Variants in NDUFS4 observed in about 807,000 individuals in gnomAD.
The protein encoded by NDUFS4 is NADH dehydrogenase [ubiquinone] iron-sulfur protein 4, mitochondrial.
NDUFS4 carries 28 observed loss-of-function variants against 24.3 expected under a neutral mutation model. The ratio of observed to expected loss-of-function variants is 1.15; its 90% CI spans 0.85 to 1.58. NDUFS4 has a LOEUF of 1.58. Among genes scored for constraint, NDUFS4 ranks in the 40% most tolerant of loss-of-function variants. NDUFS4 has a pLI of 0.00. For synonymous variants in NDUFS4, 93 were observed against 69.7 expected (o/e 1.34, Z -1.67); for missense variants, 223 against 207.9 (o/e 1.07, Z -0.45).
At chr5:53,672,533 G>C (rs1333570295) in intron 4 of NDUFS4, among the ~76,000 whole-genome samples, 1 of 152,024 alleles carries the variant, frequency 6.6e-6, no homozygotes, top group Non-Finnish European at 1.5e-5. Context: ...ATAAGGAACT[G>C]ATCTAAAATC....
intron 3 of NDUFS4, among the ~76,000 whole-genome samples, chr5:53,649,349 T>A (rs1429304447): frequency 6.6e-6 from 1 of 152,164 alleles, no homozygotes; most frequent in Non-Finnish European, 1.5e-5. Flanking sequence ...TTTCAACTCT[T>A]GCCCCCTTCT....
chr5:53,618,985 G>A lies in NDUFS4; in HGVS notation c.177+15455G>A, dbSNP rs185409595. On this transcript the variant is annotated intron_variant, in intron 2 of 4. Transcript: ENST00000296684. Reference sequence around the variant, plus strand: ...AAACATTAGCTGGTCGTGGGGTCACGTGTCTGTAGTCACAGCTACTCAGGC... The same window carrying A: ...AAACATTAGCTGGTCGTGGGGTCACATGTCTGTAGTCACAGCTACTCAGGC... Among the ~76,000 whole-genome samples, 245 of 151,860 alleles carry A rather than the reference G, an allele frequency of 1.6e-3. 1 individual carries two copies. The highest frequency in any genetic ancestry group is 5.3e-3 in the African/African-American group (221 of 41,404).
At chr5:53,642,188 A>G (rs1751726454) in intron 2 of NDUFS4, among the ~76,000 whole-genome samples, 1 of 152,130 alleles carries the variant, frequency 6.6e-6, no homozygotes, top group Admixed American at 6.6e-5. Flanking sequence ...GGCCAGTGGC[A>G]TTTTTGTGGT....
intron 1 of NDUFS4, among the ~76,000 whole-genome samples, chr5:53,586,959 G>T (rs111511598): frequency 0.093 from 14,109 of 151,954 alleles, 776 homozygotes; most frequent in Non-Finnish European, 0.13. Flanking sequence ...GAGTAGCTGG[G>T]ATTACAGGCA....
chr5:53,581,155 A>T (rs542566952), intron 1 of NDUFS4, among the ~76,000 whole-genome samples: 1 of 151,978 alleles, frequency 6.6e-6, no homozygotes, highest in African/African-American at 2.4e-5. Context: ...CTTTTTAGTA[A>T]TTGTCACCAA....
chr5:53,602,047 A>G (rs989425344), intron 1 of NDUFS4, among the ~76,000 whole-genome samples: 3 of 152,218 alleles, frequency 2.0e-5, no homozygotes, highest in African/African-American at 4.8e-5. Flanking sequence ...CTTAAAATGT[A>G]TCGTACAAGG....
rs139436968 is a variant in NDUFS4 at position 53,608,599 on chromosome 5, C to T, written c.177+5069C>T. On this transcript the variant is annotated intron_variant, in intron 2 of 4. Transcript: ENST00000296684. Reference sequence around the variant, plus strand: ...CAGGAGTAGATTCTGTCTCAAGAAACGACTTAGCTCATGCATGAGAAGCAA... The same window carrying T: ...CAGGAGTAGATTCTGTCTCAAGAAATGACTTAGCTCATGCATGAGAAGCAA... Among the ~76,000 whole-genome samples the T allele has an allele frequency of 6.1e-4, 87 of 142,314 alleles. 1 individual carries two copies. The East Asian group carries it at 0.017, about 27-fold the overall frequency. The allele number at this position is 142,314 out of a possible 152,430, so 93.4% of individuals were successfully genotyped here.
chr5:53,604,833 C>T (rs980353085), intron 2 of NDUFS4: 7 of 456,136 alleles, frequency 1.5e-5, no homozygotes, highest in African/African-American at 1.4e-4. Flanking sequence ...TTCACTCTAC[C>T]TGGATGCATT....
At chr5:53,626,509 C>T (rs766677176) in intron 2 of NDUFS4, among the ~76,000 whole-genome samples, 26 of 152,126 alleles carry the variant, frequency 1.7e-4, no homozygotes, top group African/African-American at 5.8e-4. Flanking sequence ...AATGTAAAAG[C>T]GTTCATATTT....
chr5:53,582,251 T>A (rs1432359554), intron 1 of NDUFS4, among the ~76,000 whole-genome samples: 7 of 141,208 alleles, frequency 5.0e-5, no homozygotes, highest in Non-Finnish European at 9.4e-5. Context: ...AAAATTAAAT[T>A]AAAATAAAAA....
intron 1 of NDUFS4, among the ~76,000 whole-genome samples, chr5:53,587,612 C>G (rs1401553808): frequency 2.7e-5 from 4 of 148,884 alleles, no homozygotes; most frequent in African/African-American, 1.0e-4. Context: ...GCGTCTCGCT[C>G]TGTCTCACAG....
At chr5:53,671,434 C>G (rs534209045) in intron 4 of NDUFS4, among the ~76,000 whole-genome samples, 1 of 152,284 alleles carries the variant, frequency 6.6e-6, no homozygotes, top group South Asian at 2.1e-4. Flanking sequence ...CCCAAACATA[C>G]TGACACACAA....
intron 1 of NDUFS4, among the ~76,000 whole-genome samples, chr5:53,588,305 C>G (rs185247440): frequency 1.2e-3 from 183 of 152,276 alleles, no homozygotes; most frequent in African/African-American, 4.0e-3. Context: ...TCTTGCCTTC[C>G]TATGAATTGG....
At chr5:53,567,296 A>T (rs886592503) in intron 1 of NDUFS4, among the ~76,000 whole-genome samples, 1 of 152,114 alleles carries the variant, frequency 6.6e-6, no homozygotes, top group African/African-American at 2.4e-5. Flanking sequence ...ATCAGTTCAA[A>T]CCCTAATGTC....
At chr5:53,625,757 TC>T (rs1251945815) in intron 2 of NDUFS4, among the ~76,000 whole-genome samples, 3 of 152,184 alleles carry the variant, frequency 2.0e-5, no homozygotes, top group African/African-American at 7.2e-5. Context: ...ACTCATTTTG[TC>T]CATCTTTTTT....
intron 3 of NDUFS4, 49 bp from the exon 4 acceptor site, chr5:53,658,502 T>A: frequency 7.9e-7 from 1 of 1,265,580 alleles, no homozygotes; most frequent in Non-Finnish European, 1.2e-6. Flanking sequence ...ATTTTGTTTC[T>A]CAGCTAAAGC....
chr5:53,616,822 C>A (rs1750853546), intron 2 of NDUFS4, among the ~76,000 whole-genome samples: 1 of 152,082 alleles, frequency 6.6e-6, no homozygotes, highest in African/African-American at 2.4e-5. Flanking sequence ...TGGTTAAGGG[C>A]AACTTTAAAG....
chr5:53,635,006 A>G (rs779251969), intron 2 of NDUFS4, among the ~76,000 whole-genome samples: 64 of 151,996 alleles, frequency 4.2e-4, no homozygotes, highest in Non-Finnish European at 4.4e-4. Flanking sequence ...CCTGGCCAAC[A>G]TGGTGAAACC....
intron 4 of NDUFS4, among the ~76,000 whole-genome samples, chr5:53,668,018 A>G (rs1278198984): frequency 1.3e-5 from 2 of 152,228 alleles, no homozygotes; most frequent in Non-Finnish European, 2.9e-5. Flanking sequence ...TGTTAATAGT[A>G]AAATATGACA....
Sources: gnomAD v4.1 joint callset for allele counts (sites outside exome capture counted in the v4.1 genomes callset) on GRCh38, gnomAD v4.1.1 for gene constraint, MANE v1.5 for transcripts, NCBI Gene and HGNC (gene_info 2026-07-23, HGNC 2026-07-21) for gene names.